Variants in HACL1 observed in about 807,000 individuals in gnomAD.
HACL1 encodes the protein 1600020H07Rik.
Under a neutral mutation model 74.2 loss-of-function variants are expected in HACL1, and 64 were observed. The ratio of observed to expected loss-of-function variants is 0.86; its 90% CI spans 0.70 to 1.06. HACL1 has a LOEUF of 1.06. HACL1 is among the 50% of genes least tolerant of loss of function. The pLI, the probability that HACL1 is intolerant of heterozygous loss-of-function variation, is 0.00. For synonymous variants in HACL1, 230 were observed against 238.8 expected, an observed-to-expected ratio of 0.96 and a Z score of 0.34; for missense variants, 728 against 719.7, an observed-to-expected ratio of 1.01 and a Z score of -0.13.
chr3:15,582,933 C>T lies in HACL1; in HGVS notation c.611G>A (p.Cys204Tyr), dbSNP rs769771699. The T allele has an allele frequency of 1.4e-5, 23 of 1,612,210 alleles. No homozygotes were observed. The highest frequency in any genetic ancestry group is 1.8e-5 in the Non-Finnish European group (21 of 1,178,648). ...ATTCCTAATAACAGAAGCCGCCGTG[C>T]ACACAGCAGAGGTTTCTGCCATGCT... ...PISMAETSAV[C>Y]TAASVIRNAK... The change falls in exon 8 of 17, where the codon TGC becomes TAC. Residue 204 changes from cysteine to tyrosine, a missense_variant. Physicochemically the swap from Cys to Tyr is radical, Grantham distance 194. Coordinates refer to ENST00000321169, the MANE Select transcript of HACL1 (RefSeq NM_012260.4).
chr3:15,565,266 T>C (rs548641864), intron 14 of HACL1, among the ~76,000 whole-genome samples: 29 of 152,122 alleles, frequency 1.9e-4, no homozygotes, highest in Non-Finnish European at 2.8e-4. Flanking sequence ...GTCTAGATGG[T>C]ATATGAAGAA....
chr3:15,598,690 G>T (rs565006649), intron 2 of HACL1, among the ~76,000 whole-genome samples: 1 of 152,318 alleles, frequency 6.6e-6, no homozygotes, highest in South Asian at 2.1e-4. Flanking sequence ...CAAAGACAAT[G>T]AAGTCACACC....
intron 7 of HACL1, among the ~76,000 whole-genome samples, chr3:15,583,222 C>A (rs1005318813): frequency 6.6e-6 from 1 of 152,200 alleles, no homozygotes; most frequent in Admixed American, 6.5e-5. Flanking sequence ...ACACTTCACC[C>A]TTAAAAATTT....
chr3:15,568,675 A>G, intron 12 of HACL1, 89 bp from the exon 13 acceptor site: 1 of 763,988 alleles, frequency 1.3e-6, no homozygotes, highest in Non-Finnish European at 2.2e-6. Context: ...CTTATTTGGA[A>G]ATACGCAACA....
chr3:15,568,429 T>C lies in HACL1; in HGVS notation c.1250+3A>G. 6.4e-7 allele frequency: 1 copy of C among 1,563,712 alleles called. No individual in the cohort carries two copies. Among genetic ancestry groups the C allele is most frequent in the South Asian group, 1.2e-5 (1 of 85,544 alleles). ...CGACTTCTTTCTTCTTTAGAAGTCT[T>C]ACCTGTGACGAGGAAGGTAGTTCTG... On this transcript the variant is annotated splice_donor_region_variant and intron_variant, in intron 13 of 16. Coordinates refer to ENST00000321169, the MANE Select transcript of HACL1 (RefSeq NM_012260.4).
intron 9 of HACL1, among the ~76,000 whole-genome samples, chr3:15,576,008 T>C (rs2063617782): frequency 8.5e-6 from 1 of 117,070 alleles, no homozygotes; most frequent in Non-Finnish European, 1.8e-5. Context: ...ATACAAAAAT[T>C]AGCTGGTTGT....
At chr3:15,586,844 C>T (rs796850101) in intron 5 of HACL1, among the ~76,000 whole-genome samples, 14 of 152,032 alleles carry the variant, frequency 9.2e-5, no homozygotes, top group African/African-American at 3.1e-4. Flanking sequence ...TCTGATAATA[C>T]CCACCATCTA....
intron 11 of HACL1, 51 bp from the exon 12 acceptor site, chr3:15,571,820 CTTTTTTTTCTTTTTTT>C: frequency 6.5e-6 from 2 of 307,072 alleles, no homozygotes; most frequent in South Asian, 4.1e-5. Context: ...TTTTCTTTGC[CTTTTTTTTCTTTTTTT>C]TTTTTTTTTT....
At position 15,601,458 on chromosome 3, in the gene HACL1, C is replaced by T. The variant is rs147948152; in HGVS notation, c.6G>A (p.Pro2=). The change falls in exon 1 of 17, where the codon CCG becomes CCA. Residue 2 remains proline (P), a synonymous_variant. Transcript: ENST00000321169. ...CGCTGCGCTCTGCGAAGTTACTGTC[C>T]GGCATCTTCCACCGAAAAGCTCTAA... is the stretch of plus-strand genomic sequence containing the variant. M[P]DSNFAERSEE... 3.1e-6 allele frequency: 5 copies of T among 1,612,988 alleles called. No homozygotes were observed. The highest frequency in any genetic ancestry group is 1.3e-5 in the African/African-American group (1 of 74,918).
At chr3:15,562,457 C>G (rs142568616) in intron 16 of HACL1, among the ~76,000 whole-genome samples, 8 of 152,254 alleles carry the variant, frequency 5.3e-5, no homozygotes, top group African/African-American at 1.2e-4. Flanking sequence ...ATTTTAGTGT[C>G]TAAATTAGTT....
chr3:15,563,357 C>A lies in HACL1; in HGVS notation c.1704+1G>T. The A allele has an allele frequency of 3.1e-6, 5 of 1,608,642 alleles. No individual in the cohort carries two copies. The highest frequency in any genetic ancestry group is 4.3e-6 in the Non-Finnish European group (5 of 1,175,624). On this transcript the variant is annotated splice_donor_variant, in intron 16 of 16. Transcript: ENST00000321169. LOFTEE classifies it high-confidence loss of function. ...GCTTTCTGCTTAGCAACTGTATTTA[C>A]CTGGGCCTTCCGTGTGGCTTGTGGC...
chr3:15,586,738 C>T (rs536637837), intron 5 of HACL1, 136 bp from the exon 6 acceptor site: 31 of 553,306 alleles, frequency 5.6e-5, no homozygotes, highest in Admixed American at 3.9e-4. Flanking sequence ...TAGACTGTCC[C>T]TTAAAAGCCT....
chr3:15,584,502 C>T (rs1178985975), intron 7 of HACL1, among the ~76,000 whole-genome samples: 1 of 152,038 alleles, frequency 6.6e-6, no homozygotes, highest in African/African-American at 2.4e-5. Flanking sequence ...GCAGGAGAAT[C>T]GCTTGAACCC....
In HACL1 at chr3:15,560,819, T is replaced by A. The variant is rs771934139; in HGVS notation, c.*46A>T. On this transcript the variant is annotated 3_prime_UTR_variant, in exon 17 of 17. Coordinates refer to ENST00000321169, the MANE Select transcript of HACL1 (RefSeq NM_012260.4). ...TTTTGCTGTGGAAAATAAAATTTCA[T>A]CTTGCAAGAAAGAGAAAACTCAAGA... is the stretch of plus-strand genomic sequence containing the variant. 1 of 1,359,794 alleles carries A rather than the reference T, an allele frequency of 7.4e-7. No individual in the cohort carries two copies. The highest frequency in any genetic ancestry group is 1.0e-6 in the Non-Finnish European group (1 of 959,392). 84.2% of individuals were successfully genotyped at this position (1,359,794 alleles called of 1,614,324 possible).
At chr3:15,592,229 C>T (rs1381187726) in intron 3 of HACL1, among the ~76,000 whole-genome samples, 2 of 117,832 alleles carry the variant, frequency 1.7e-5, no homozygotes, top group African/African-American at 9.3e-5. Context: ...TGTATACATA[C>T]GTATATACGT....
intron 3 of HACL1, among the ~76,000 whole-genome samples, chr3:15,594,282 T>G (rs1047713707): frequency 5.9e-5 from 9 of 152,118 alleles, no homozygotes; most frequent in African/African-American, 1.9e-4. Flanking sequence ...GGTGCACACC[T>G]GTAGTGCCAG....
intron 14 of HACL1, among the ~76,000 whole-genome samples, 156 bp downstream of exon 14, chr3:15,567,688 G>A (rs1046385652): frequency 2.0e-5 from 3 of 152,216 alleles, no homozygotes; most frequent in Non-Finnish European, 2.9e-5. Flanking sequence ...GAGAAAGACC[G>A]TGGGTTACTG....
rs770339713 is a variant in HACL1 at position 15,571,810 on chromosome 3, TTTTC to T, written c.994-45_994-42del. The T allele has an allele frequency of 1.4e-4, 93 of 672,058 alleles. No homozygotes were observed. In the African/African-American group the frequency reaches 1.6e-3, roughly 11 times the overall value. 41.6% of individuals were successfully genotyped at this position (672,058 alleles called of 1,614,324 possible). On this transcript the variant is annotated intron_variant, in intron 11 of 16. Coordinates refer to ENST00000321169, the MANE Select transcript of HACL1 (RefSeq NM_012260.4). ...ACACACACACACAAACACATAAACTTTTTCTTTGCCTTTTTTTTCTTTTTTTTTT... is the reference window on the plus strand; with the variant it reads ...ACACACACACACAAACACATAAACTTTTTGCCTTTTTTTTCTTTTTTTTTT...
At position 15,582,969 on chromosome 3, in the gene HACL1, G is replaced by A. The variant is rs374688003; in HGVS notation, c.575C>T (p.Ser192Leu). The change falls in exon 8 of 17, where the codon TCA (serine) becomes TTA (leucine). Residue 192 changes from serine to leucine, a missense_variant. Ser to Leu is a moderately radical substitution (Grantham distance 145, BLOSUM62 -2). Coordinates refer to ENST00000321169, the MANE Select transcript of HACL1 (RefSeq NM_012260.4). ...NSIKYMERCMSPPISMAETSA... is the reference protein window; with the variant it reads ...NSIKYMERCMLPPISMAETSA... ...GGTTTCTGCCATGCTAATAGGAGGT[G>A]ACATGCAGCGTTCCATGTACCTGGA... is the stretch of plus-strand genomic sequence containing the variant. 1.7e-5 allele frequency: 27 copies of A among 1,600,598 alleles called. No individual in the cohort carries two copies. Among genetic ancestry groups the A allele is most frequent in the Non-Finnish European group, 2.3e-5 (27 of 1,169,118 alleles).
Sources: gnomAD v4.1 joint callset for allele counts (sites outside exome capture counted in the v4.1 genomes callset) on GRCh38, gnomAD v4.1.1 for gene constraint, MANE v1.5 for transcripts, NCBI Gene and HGNC (gene_info 2026-07-23, HGNC 2026-07-21) for gene names.